PCSK7: variants seen among roughly 807,000 people sequenced by gnomAD.
PCSK7 encodes the protein lymphoma proprotein convertase.
PCSK7 carries 38 observed loss-of-function variants against 73.3 expected under a neutral mutation model. That is an observed-to-expected ratio of 0.52 (90% confidence interval 0.40 to 0.68). PCSK7 has a LOEUF of 0.68. PCSK7 is among the 30% of genes least tolerant of loss of function. The pLI is 0.00. For synonymous variants in PCSK7, 296 were observed against 383.8 expected, an observed-to-expected ratio of 0.77 and a Z score of 2.68; for missense variants, 692 against 991.5, an observed-to-expected ratio of 0.70 and a Z score of 4.06.
chr11:117,216,432 A>ATTTTTTTTTTTTTTTTTTTTTTTTTTT lies in PCSK7; in HGVS notation c.1534+2033_1534+2034insAAAAAAAAAAAAAAAAAAAAAAAAAAA, dbSNP rs761129566. ...CCTGGGACTGAGCTGCTCAACTCTCAATTTTTTTTTTTTTTTTTTTTTTTG... is the reference window on the plus strand; with the variant it reads ...CCTGGGACTGAGCTGCTCAACTCTCATTTTTTTTTTTTTTTTTTTTTTTTTTTATTTTTTTTTTTTTTTTTTTTTTTG... On this transcript the variant is annotated intron_variant, in intron 12 of 16. Transcript: ENST00000320934. The ATTTTTTTTTTTTTTTTTTTTTTTTTTT allele has an allele frequency of 3.5e-5, 4 of 115,822 alleles. 2 individuals are homozygous for ATTTTTTTTTTTTTTTTTTTTTTTTTTT. The highest frequency in any genetic ancestry group is 7.9e-5 in the African/African-American group (2 of 25,266). The allele number at this position is 115,822 out of a possible 1,614,324, so 7.2% of individuals were successfully genotyped here.
chr11:117,228,783 G>A (rs1319052253), intron 3 of PCSK7, among the ~76,000 whole-genome samples: 1 of 151,944 alleles, frequency 6.6e-6, no homozygotes, highest in African/African-American at 2.4e-5. Context: ...ACCACGCCTG[G>A]CTAATTTTTT....
Position 117,208,916 on chromosome 11 carries a change from C to T in PCSK7, c.1672G>A (p.Ala558Thr), listed in dbSNP as rs470365. Residue 558 changes from alanine (A) to threonine (T), a missense_variant, in exon 13 of 17, where the codon GCC (alanine) becomes ACC (threonine). This residue lies in a region of PCSK7 where 20 missense variants were observed against 32.1 expected (regional missense o/e 0.62). Transcript: ENST00000320934. ...ACATACGAGTCCATGCTGCGGGGGG[C>T]GCCGATGAGGGACATCATGCCACTG... The part of the protein sequence containing the change: ...CPSGMMSLIG[A>T]PRSMDSDPNG... 107 of 1,612,198 alleles carry T rather than the reference C, an allele frequency of 6.6e-5. No homozygotes were observed. Among genetic ancestry groups the T allele is most frequent in the Middle Eastern group, 5.7e-4 (3 of 5,292 alleles).
intron 9 of PCSK7, chr11:117,222,732 C>T (rs547805419): frequency 9.0e-5 from 14 of 155,520 alleles, no homozygotes; most frequent in Non-Finnish European, 1.1e-4. Context: ...CTGTAACCTC[C>T]GCCTCCTTGT....
At position 117,204,409 on chromosome 11, in the gene PCSK7, C is replaced by A. The variant is rs367851843; in HGVS notation, c.*1588G>T. On this transcript the variant is annotated 3_prime_UTR_variant, in exon 17 of 17. Transcript: ENST00000320934. ...CGGCCCTCCCCCAGCTCCTTGGCTG[C>A]AGCCATCCCGCTTAGCCTGCCTCAC... 6 of 1,612,876 alleles carry A rather than the reference C, an allele frequency of 3.7e-6. No homozygotes were observed. The highest frequency in any genetic ancestry group is 5.1e-6 in the Non-Finnish European group (6 of 1,179,334).
Position 117,205,283 on chromosome 11 carries a change from G to A in PCSK7, c.*714C>T. 4.3e-6 allele frequency: 1 copy of A among 233,812 alleles called. No individual in the cohort carries two copies. Among genetic ancestry groups the A allele is most frequent in the Non-Finnish European group, 8.5e-6 (1 of 118,098 alleles). 14.5% of individuals were successfully genotyped at this position (233,812 alleles called of 1,614,324 possible). The stretch of plus-strand genomic sequence containing the variant: ...AAGGCCATTTCCCTGAGCACTTGCA[G>A]AGGAAGACAGGGTGGTGGCAGGACT... On this transcript the variant is annotated 3_prime_UTR_variant, in exon 17 of 17. Transcript: ENST00000320934.
In PCSK7 at chr11:117,223,246, C is replaced by A. The variant is rs2032275973; in HGVS notation, c.1117G>T (p.Val373Phe). The A allele has an allele frequency of 6.2e-7, 1 of 1,613,676 alleles. No homozygotes were observed. The highest frequency in any genetic ancestry group is 8.5e-7 in the Non-Finnish European group (1 of 1,179,688). The part of the protein sequence containing the change: ...YAEECASMLA[V>F]TFSGGDKMLR... ...ATCTTGTCCCCACCACTGAAGGTGACTGCCAGCATGGAGGCACATTCTTCT... is the reference window on the plus strand; with the variant it reads ...ATCTTGTCCCCACCACTGAAGGTGAATGCCAGCATGGAGGCACATTCTTCT... The change falls in exon 9 of 17, where the codon GTC (valine) becomes TTC (phenylalanine). Residue 373 changes from valine (V) to phenylalanine (F), a missense_variant. Around this residue, in one of 6 missense-constraint regions of PCSK7, gnomAD observed 574 missense variants for 689.8 expected, o/e 0.83. Coordinates refer to ENST00000320934, the MANE Select transcript of PCSK7 (RefSeq NM_004716.4).
At position 117,205,281 on chromosome 11, in the gene PCSK7, C is replaced by G. The variant is rs1034300592; in HGVS notation, c.*716G>C. 2 of 233,602 alleles carry G rather than the reference C, an allele frequency of 8.6e-6. No individual in the cohort carries two copies. Among genetic ancestry groups the G allele is most frequent in the Non-Finnish European group, 1.7e-5 (2 of 118,046 alleles). 14.5% of individuals were successfully genotyped at this position (233,602 alleles called of 1,614,324 possible). Reference sequence around the variant, plus strand: ...GGAAGGCCATTTCCCTGAGCACTTGCAGAGGAAGACAGGGTGGTGGCAGGA... The same window carrying G: ...GGAAGGCCATTTCCCTGAGCACTTGGAGAGGAAGACAGGGTGGTGGCAGGA... On this transcript the variant is annotated 3_prime_UTR_variant, in exon 17 of 17. Transcript: ENST00000320934.
chr11:117,213,944 TCTTTTCTTTTTC>T (rs2031840637), intron 12 of PCSK7: 1 of 139,396 alleles, frequency 7.2e-6, no homozygotes, highest in African/African-American at 2.9e-5. Flanking sequence ...CTTTTTCTTT[TCTTTTCTTTTTC>T]TTTTTTTTTT....
At position 117,218,373 on chromosome 11, in the gene PCSK7, G is replaced by A. The variant is rs909082070; in HGVS notation, c.1534+93C>T. 4.6e-6 allele frequency: 3 copies of A among 652,512 alleles called. No homozygotes were observed. The highest frequency in any genetic ancestry group is 7.8e-6 in the Non-Finnish European group (3 of 384,252). The allele number at this position is 652,512 out of a possible 1,614,324, so 40.4% of individuals were successfully genotyped here. A position where few individuals can be genotyped will look rare whatever the true frequency, so the allele number is the denominator to read the frequency against. Reference sequence around the variant, plus strand: ...GGCTGGAGCTCAGCTCCGAAAGGGGGTAGAATCTGGCAGGGAGGACGAGTT... The same window carrying A: ...GGCTGGAGCTCAGCTCCGAAAGGGGATAGAATCTGGCAGGGAGGACGAGTT... On this transcript the variant is annotated intron_variant, in intron 12 of 16. Coordinates refer to ENST00000320934, the MANE Select transcript of PCSK7 (RefSeq NM_004716.4). This position sits in a 1 kb window ranked among gnomAD's most constrained non-coding sequence, Gnocchi z 4.0.
intron 4 of PCSK7, 117 bp from the exon 5 acceptor site, chr11:117,227,439 A>C: frequency 1.3e-6 from 1 of 788,438 alleles, no homozygotes; most frequent in Non-Finnish European, 2.2e-6. Flanking sequence ...CGATAAGCTC[A>C]TTTCTCATCG....
intron 9 of PCSK7, chr11:117,221,976 G>A (rs1224751472): frequency 6.6e-6 from 1 of 152,206 alleles, no homozygotes; most frequent in East Asian, 1.9e-4. Context: ...ACAGAGCCTT[G>A]GAACATTGTG....
chr11:117,216,428 TCTCA>T (rs2031984564), intron 12 of PCSK7: 1 of 141,050 alleles, frequency 7.1e-6, no homozygotes, highest in Non-Finnish European at 1.5e-5. Context: ...GCTGCTCAAC[TCTCA>T]ATTTTTTTTT....
intron 2 of PCSK7, 199 bp downstream of exon 2, chr11:117,230,150 C>A: frequency 2.9e-6 from 1 of 345,944 alleles, no homozygotes; most frequent in Non-Finnish European, 5.3e-6. Context: ...CTCACAGGCA[C>A]TGCGAGCAAC....
In PCSK7 at chr11:117,205,418, G is replaced by A. The variant is rs576945884; in HGVS notation, c.*579C>T. 3.9e-5 allele frequency: 9 copies of A among 233,506 alleles called. No individual in the cohort carries two copies. The highest frequency in any genetic ancestry group is 3.4e-4 in the Admixed American group (6 of 17,784). The allele number at this position is 233,506 out of a possible 1,614,324, so 14.5% of individuals were successfully genotyped here. The stretch of plus-strand genomic sequence containing the variant: ...GAAGCAGCTCAGGCCTGGGGGAGCC[G>A]TGTGTATCCCAGCTGTGCCGGCAGC... On this transcript the variant is annotated 3_prime_UTR_variant, in exon 17 of 17. Coordinates refer to ENST00000320934, the MANE Select transcript of PCSK7 (RefSeq NM_004716.4).
Position 117,206,195 on chromosome 11 carries a change from T to C in PCSK7, c.2160A>G (p.Leu720=). 1 of 1,614,086 alleles carries C rather than the reference T, an allele frequency of 6.2e-7. No individual in the cohort carries two copies. The highest frequency in any genetic ancestry group is 1.1e-5 in the South Asian group (1 of 91,072). ...TGCTGCTGCAAAGTGGCACTGATTCTAGCTCTGTCCCTTCCTCCTTGGCTT... is the reference window on the plus strand; with the variant it reads ...TGCTGCTGCAAAGTGGCACTGATTCCAGCTCTGTCCCTTCCTCCTTGGCTT... ...SRKAKEEGTE[L]ESVPLCSSKD... is the part of the protein sequence containing the mutation. The change falls in exon 17 of 17, where the codon CTA becomes CTG. Residue 720 remains leucine, a synonymous_variant. Coordinates refer to ENST00000320934, the MANE Select transcript of PCSK7 (RefSeq NM_004716.4).
chr11:117,228,444 C>T (rs1591807257), intron 3 of PCSK7, 94 bp from the exon 4 acceptor site: 1 of 1,144,616 alleles, frequency 8.7e-7, no homozygotes, highest in East Asian at 2.4e-5. Context: ...CCCTTGGCCT[C>T]CACCAAAGAG....
intron 9 of PCSK7, chr11:117,222,370 G>A (rs1227325340): frequency 6.6e-6 from 1 of 152,188 alleles, no homozygotes. Context: ...TATAGCTCCA[G>A]AGAAAGAGCT....
chr11:117,215,017 C>T (rs2031900022), intron 12 of PCSK7: 5 of 152,158 alleles, frequency 3.3e-5, no homozygotes, highest in Admixed American at 3.3e-4. Context: ...AGCGTCAGAT[C>T]TAAAAACCCC....
In PCSK7 at chr11:117,218,748, GC is replaced by G; in HGVS notation, c.1432-181del. 1 of 571,564 alleles carries G rather than the reference GC, an allele frequency of 1.7e-6. No individual in the cohort carries two copies. Among genetic ancestry groups the G allele is most frequent in the Non-Finnish European group, 3.1e-6 (1 of 320,830 alleles). The allele number at this position is 571,564 out of a possible 1,614,324, so 35.4% of individuals were successfully genotyped here. A position where few individuals can be genotyped will look rare whatever the true frequency, so the allele number is the denominator to read the frequency against. On this transcript the variant is annotated intron_variant, in intron 11 of 16. Transcript: ENST00000320934. The surrounding 1 kb of genome is among the most constrained non-coding windows in gnomAD (Gnocchi z 4.0). The stretch of plus-strand genomic sequence containing the variant: ...CTTGCTCGCTGGAATGCTCCGTACA[GC>G]CCCCAGCTAAGGAACCAGAGGAAAC...
Sources: gnomAD v4.1 joint callset for allele counts (sites outside exome capture counted in the v4.1 genomes callset) on GRCh38, gnomAD v4.1.1 for gene constraint, gnomAD v4.1.1 regional missense constraint, Gnocchi (gnomAD v3.1) non-coding constraint, MANE v1.5 for transcripts, NCBI Gene and HGNC (gene_info 2026-07-23, HGNC 2026-07-21) for gene names.